KCNB2: variants seen among roughly 807,000 people sequenced by gnomAD.
KCNB2 encodes the protein potassium voltage-gated channel subfamily B member 2, also known as delayed rectifier potassium channel protein.
A neutral mutation model predicts 61.5 loss-of-function variants in KCNB2; 15 were observed. The observed-to-expected ratio is 0.24, with a 90% confidence interval of 0.16 to 0.38. KCNB2 has a LOEUF of 0.38. KCNB2 is among the 10% of genes least tolerant of loss of function. KCNB2 has a pLI of 1.00. For missense variants in KCNB2, 828 were observed against 1,125.2 expected (o/e 0.74, Z 3.78); for synonymous variants, 457 against 446.0 (o/e 1.02, Z -0.31).
chr8:72,664,812 C>A (rs576271017), intron 2 of KCNB2, among the ~76,000 whole-genome samples: 1 of 152,250 alleles, frequency 6.6e-6, no homozygotes, highest in South Asian at 2.1e-4. Flanking sequence ...ACTGCAAATG[C>A]ATGAGACTAG....
chr8:72,772,370 G>A (rs1445309261), intron 2 of KCNB2, among the ~76,000 whole-genome samples: 1 of 152,196 alleles, frequency 6.6e-6, no homozygotes, highest in Non-Finnish European at 1.5e-5. Context: ...ATCCAGTCAT[G>A]ACAATCAAAT....
At chr8:72,538,838 T>C (rs568149211) in intron 1 of KCNB2, among the ~76,000 whole-genome samples, 61 of 152,346 alleles carry the variant, frequency 4.0e-4, no homozygotes, top group African/African-American at 1.3e-3. Context: ...TTTATTGTTA[T>C]TGTTAAATGT....
At chr8:72,591,790 T>TGG (rs1420522804) in intron 2 of KCNB2, among the ~76,000 whole-genome samples, 6 of 152,196 alleles carry the variant, frequency 3.9e-5, no homozygotes, top group African/African-American at 1.4e-4. Flanking sequence ...GTACGTAGCA[T>TGG]GGGTCCTAGT....
At chr8:72,702,900 T>A (rs1807157478) in intron 2 of KCNB2, among the ~76,000 whole-genome samples, 1 of 152,160 alleles carries the variant, frequency 6.6e-6, no homozygotes, top group Admixed American at 6.5e-5. Flanking sequence ...CCCCGTGGCA[T>A]GTCTTTCCAT....
chr8:72,561,778 G>GTATAT (rs1563523646), intron 1 of KCNB2, among the ~76,000 whole-genome samples: 1 of 34,338 alleles, frequency 2.9e-5, no homozygotes, highest in African/African-American at 1.1e-4. Flanking sequence ...TATATATATG[G>GTATAT]ATATATATAT....
At position 72,583,125 on chromosome 8, in the gene KCNB2, T is replaced by A. The variant is rs1053045845; in HGVS notation, c.579+14812T>A. Among the ~76,000 whole-genome samples the A allele has an allele frequency of 2.0e-5, 3 of 152,248 alleles. No homozygotes were observed. The South Asian group carries it at 6.2e-4, about 32-fold the overall frequency. On this transcript the variant is annotated intron_variant, in intron 2 of 2. Transcript: ENST00000523207. ...TCCTTTTTCTTTCAAAAATGCTTTT[T>A]ATCAGCATGCTACTTGGTGATAAAG... is the stretch of plus-strand genomic sequence containing the variant.
At chr8:72,903,064 T>C (rs7824684) in intron 2 of KCNB2, among the ~76,000 whole-genome samples, 131,128 of 152,162 alleles carry the variant, frequency 0.86, 57,350 homozygotes, top group Middle Eastern at 0.95. Flanking sequence ...TTTGAAGTAA[T>C]TCAGAAAGTA....
intron 2 of KCNB2, among the ~76,000 whole-genome samples, chr8:72,735,153 C>T (rs908462996): frequency 6.6e-6 from 1 of 152,138 alleles, no homozygotes; most frequent in African/African-American, 2.4e-5. Flanking sequence ...AAATCACAGA[C>T]TCCCCAATCC....
intron 2 of KCNB2, among the ~76,000 whole-genome samples, chr8:72,568,833 T>G (rs1806667064): frequency 6.6e-6 from 1 of 151,990 alleles, no homozygotes. Context: ...TTTATTAAGC[T>G]GTGTAAAAAA....
intron 2 of KCNB2, among the ~76,000 whole-genome samples, chr8:72,716,122 A>G (rs1807434295): frequency 6.6e-6 from 1 of 152,250 alleles, no homozygotes; most frequent in Admixed American, 6.5e-5. Context: ...GAAGAAACTG[A>G]ATCTCTGAAT....
chr8:72,673,483 G>A (rs1222330603), intron 2 of KCNB2, among the ~76,000 whole-genome samples: 3 of 152,124 alleles, frequency 2.0e-5, no homozygotes. Context: ...GGCCTCCCCA[G>A]CCATGAGGAA....
intron 2 of KCNB2, among the ~76,000 whole-genome samples, chr8:72,868,193 TC>T (rs1207128750): frequency 6.6e-6 from 1 of 150,672 alleles, no homozygotes; most frequent in African/African-American, 2.4e-5. Context: ...TGCCTCAGCC[TC>T]CCAAAGTGCT....
chr8:72,691,286 A>G (rs16938328), intron 2 of KCNB2, among the ~76,000 whole-genome samples: 4,072 of 152,280 alleles, frequency 0.027, 71 homozygotes, highest in South Asian at 0.074. Context: ...ACATAGTACC[A>G]TTTTGGACCA....
At chr8:72,933,244 ACT>A (rs1251463806) in intron 2 of KCNB2, among the ~76,000 whole-genome samples, 1 of 152,182 alleles carries the variant, frequency 6.6e-6, no homozygotes, top group African/African-American at 2.4e-5. Flanking sequence ...CTACAGCAAG[ACT>A]CTATTGTGTT....
chr8:72,576,295 TA>T (rs1360277637), intron 2 of KCNB2, among the ~76,000 whole-genome samples: 1 of 152,224 alleles, frequency 6.6e-6, no homozygotes, highest in South Asian at 2.1e-4. Context: ...GCTTGGTGTG[TA>T]GGAGCTAGTG....
At chr8:72,881,960 C>T (rs1585949164) in intron 2 of KCNB2, among the ~76,000 whole-genome samples, 1 of 152,200 alleles carries the variant, frequency 6.6e-6, no homozygotes, top group African/African-American at 2.4e-5. Context: ...AAAAATAAAA[C>T]CCAGCGTTAT....
intron 2 of KCNB2, among the ~76,000 whole-genome samples, chr8:72,650,672 G>A (rs189545741): frequency 1.3e-5 from 2 of 152,254 alleles, no homozygotes; most frequent in East Asian, 3.9e-4. Flanking sequence ...ATGAGAGAGT[G>A]TGTCTAGTAT....
intron 2 of KCNB2, among the ~76,000 whole-genome samples, chr8:72,791,542 T>G (rs907735015): frequency 6.6e-6 from 1 of 152,102 alleles, no homozygotes; most frequent in Non-Finnish European, 1.5e-5. Context: ...CAGGTGAGAC[T>G]CTGTCTCAAA....
rs926040448 is a variant in KCNB2 at position 72,937,282 on chromosome 8, C to G, written c.1927C>G (p.His643Asp). The change falls in exon 3 of 3, where the codon CAC becomes GAC. Residue 643 changes from histidine (H) to aspartate (D), a missense_variant. Around this residue, in one of 4 missense-constraint regions of KCNB2, gnomAD observed 559 missense variants for 588.4 expected, o/e 0.95. Transcript: ENST00000523207. ...FPTDLPGTEE[H>D]QRARGPPFLT... ...AACCGACCTCCCAGGGACAGAAGAGCACCAAAGAGCTAGGGGCCCCCCGTT... is the reference window on the plus strand; with the variant it reads ...AACCGACCTCCCAGGGACAGAAGAGGACCAAAGAGCTAGGGGCCCCCCGTT... The G allele has an allele frequency of 6.2e-7, 1 of 1,613,844 alleles. No homozygotes were observed. Among genetic ancestry groups the G allele is most frequent in the Admixed American group, 1.7e-5 (1 of 60,004 alleles).
Sources: allele counts gnomAD v4.1 joint callset (sites outside exome capture counted in the v4.1 genomes callset), GRCh38; gene constraint gnomAD v4.1.1; regional missense constraint gnomAD v4.1.1; transcripts MANE v1.5; gene names NCBI Gene and HGNC (gene_info 2026-07-23, HGNC 2026-07-21).